The following KDM1B variants were observed in gnomAD, a reference collection of about 807,000 sequenced individuals.
The protein encoded by KDM1B is lysine-specific histone demethylase 2.
In KDM1B, 63 loss-of-function variants were observed where a neutral mutation model predicts 107.4. That is an observed-to-expected ratio of 0.59 (90% CI 0.48 to 0.72). KDM1B has a LOEUF of 0.72. KDM1B is among the 30% of genes least tolerant of loss of function. The pLI, the probability that KDM1B is intolerant of heterozygous loss-of-function variation, is 0.00. For synonymous variants in KDM1B, 363 were observed against 363.9 expected (o/e 1.00, Z 0.03); for missense variants, 749 against 1,020.8 (o/e 0.73, Z 3.63).
intron 21 of KDM1B, among the ~76,000 whole-genome samples, chr6:18,218,865 C>G (rs945647781): frequency 4.6e-5 from 7 of 151,912 alleles, no homozygotes; most frequent in Non-Finnish European, 7.4e-5. Flanking sequence ...CTGGGTCTCT[C>G]TAATTTAAAT....
chr6:18,158,703 C>T (rs1784786692), intron 2 of KDM1B, among the ~76,000 whole-genome samples: 1 of 152,166 alleles, frequency 6.6e-6, no homozygotes, highest in African/African-American at 2.4e-5. Flanking sequence ...TTACTGAGTA[C>T]TTATGCTAAG....
At chr6:18,193,086 T>C (rs1787386796) in intron 10 of KDM1B, among the ~76,000 whole-genome samples, 1 of 150,702 alleles carries the variant, frequency 6.6e-6, no homozygotes, top group Non-Finnish European at 1.5e-5. Context: ...TCCCAGCCAC[T>C]TGGGAGGCTG....
chr6:18,217,871 T>A lies in KDM1B; in HGVS notation c.2371T>A (p.Phe791Ile), dbSNP rs749917504. 1.2e-6 allele frequency: 2 copies of A among 1,611,736 alleles called. No individual in the cohort carries two copies. The highest frequency in any genetic ancestry group is 1.7e-6 in the Non-Finnish European group (2 of 1,179,422). ...TGCTGAAGACATTCAAGGAACCGTC[T>A]TTTTCGCTGGTGAGGTATGGATCTT... ...IIAEDIQGTV[F>I]FAGEATNRHF... The change falls in exon 21 of 22, where the codon TTT (phenylalanine) becomes ATT (isoleucine). Residue 791 changes from phenylalanine (F) to isoleucine (I), a missense_variant. Coordinates refer to ENST00000650836, the MANE Select transcript of KDM1B (RefSeq NM_001364614.2).
chr6:18,197,615 C>A lies in KDM1B; in HGVS notation c.1175C>A (p.Pro392Gln), dbSNP rs1324050708. The A allele has an allele frequency of 6.2e-7, 1 of 1,613,880 alleles. No individual in the cohort carries two copies. Among genetic ancestry groups the A allele is most frequent in the Non-Finnish European group, 8.5e-7 (1 of 1,179,942 alleles). ...NKSVIIIGAG[P>Q]AGLAAARQLH... ...TCAGTCATCATTATCGGGGCTGGTC[C>A]AGCAGGATTAGCAGCTGCTAGGCAA... is the stretch of plus-strand genomic sequence containing the variant. Residue 392 changes from proline (P) to glutamine (Q), a missense_variant, in exon 12 of 22, where the codon CCA becomes CAA. Transcript: ENST00000650836. This position sits in a 1 kb window ranked among gnomAD's most constrained non-coding sequence, Gnocchi z 4.5.
Position 18,222,617 on chromosome 6 carries a change from G to A in KDM1B, c.*625G>A, listed in dbSNP as rs564581919. 6.1e-6 allele frequency: 1 copy of A among 163,940 alleles called. No individual in the cohort carries two copies. Among genetic ancestry groups the A allele is most frequent in the Non-Finnish European group, 1.3e-5 (1 of 75,564 alleles). 10.2% of individuals were successfully genotyped at this position (163,940 alleles called of 1,614,324 possible). On this transcript the variant is annotated 3_prime_UTR_variant, in exon 22 of 22. Transcript: ENST00000650836. ...AAATTTAAATTCAAGTACCTTTTGTGATAAAATGTTTTAGATTTGTGCACC... is the reference window on the plus strand; with the variant it reads ...AAATTTAAATTCAAGTACCTTTTGTAATAAAATGTTTTAGATTTGTGCACC...
At chr6:18,195,459 C>CACGGTG (rs1160549018) in intron 10 of KDM1B, among the ~76,000 whole-genome samples, 4 of 152,120 alleles carry the variant, frequency 2.6e-5, no homozygotes, top group African/African-American at 9.7e-5. Flanking sequence ...TGTGGCCGGG[C>CACGGTG]ACGGTGGCTC....
chr6:18,178,102 G>A (rs1214669105), intron 7 of KDM1B, among the ~76,000 whole-genome samples: 5 of 151,234 alleles, frequency 3.3e-5, no homozygotes, highest in Non-Finnish European at 7.4e-5. Context: ...TTTTTGTTTT[G>A]GACGGAGTCT....
In KDM1B at chr6:18,223,255, T is replaced by G. The variant is rs1252924214; in HGVS notation, c.*1263T>G. 6.6e-6 allele frequency: 1 copy of G among 152,448 alleles called. No homozygotes were observed. Among genetic ancestry groups the G allele is most frequent in the African/African-American group, 2.4e-5 (1 of 41,394 alleles). 9.4% of individuals were successfully genotyped at this position (152,448 alleles called of 1,614,324 possible). ...ATTGAGTATTTTAAAAATTTAAAAG[T>G]AGGTCAGTTTATAACGAGTAAATAC... On this transcript the variant is annotated 3_prime_UTR_variant, in exon 22 of 22. Coordinates refer to ENST00000650836, the MANE Select transcript of KDM1B (RefSeq NM_001364614.2).
chr6:18,193,400 A>T (rs1221413561), intron 10 of KDM1B, among the ~76,000 whole-genome samples: 1 of 138,276 alleles, frequency 7.2e-6, no homozygotes, highest in African/African-American at 2.7e-5. Context: ...TCGCCTTCCC[A>T]GTCTCAGGTG....
chr6:18,207,293 C>T, intron 15 of KDM1B, 105 bp from the exon 16 acceptor site: 1 of 1,247,314 alleles, frequency 8.0e-7, no homozygotes, highest in Non-Finnish European at 1.2e-6. Context: ...TGTCCCCTGC[C>T]CTCCTGCCTT....
chr6:18,207,109 C>T (rs2150998394), intron 15 of KDM1B, among the ~76,000 whole-genome samples: 1 of 152,322 alleles, frequency 6.6e-6, no homozygotes, highest in African/African-American at 2.4e-5. Context: ...GTTTTACCCT[C>T]ATAGAATTCT....
intron 7 of KDM1B, among the ~76,000 whole-genome samples, chr6:18,180,508 AGATTTTGGAT>A (rs1786387212): frequency 6.6e-6 from 1 of 152,168 alleles, no homozygotes; most frequent in Non-Finnish European, 1.5e-5. Flanking sequence ...CAATTTTTTA[AGATTTTGGAT>A]GATTTGTGTA....
At chr6:18,220,217 C>T (rs1789575193) in intron 21 of KDM1B, among the ~76,000 whole-genome samples, 1 of 152,196 alleles carries the variant, frequency 6.6e-6, no homozygotes, top group Non-Finnish European at 1.5e-5. Context: ...AAGTACACGT[C>T]TCATTGTTTC....
At position 18,161,329 on chromosome 6, in the gene KDM1B, G is replaced by A. The variant is rs1397865170; in HGVS notation, c.90G>A (p.Ala30=). 7 of 1,613,570 alleles carry A rather than the reference G, an allele frequency of 4.3e-6. No homozygotes were observed. In the East Asian group the frequency reaches 1.3e-4, roughly 31 times the overall value. The stretch of plus-strand genomic sequence containing the variant: ...AACATCAGCTGTGACTCCCTTAGGC[G>A]AAGAAGAAAGCAACAGAGACAACAG... The part of the protein sequence containing the change: ...SLPLRSSGRQ[A]KKKATETTDE... The change falls in exon 4 of 22, where the codon GCG becomes GCA. Residue 30 remains alanine (A), a splice_region_variant and synonymous_variant. Transcript: ENST00000650836.
chr6:18,181,855 A>G (rs1786502867), intron 7 of KDM1B, among the ~76,000 whole-genome samples: 1 of 150,612 alleles, frequency 6.6e-6, no homozygotes, highest in Admixed American at 6.6e-5. Context: ...ATGAAATCAG[A>G]AAAAATAAAT....
chr6:18,201,356 T>G lies in KDM1B; in HGVS notation c.1360-130T>G. Reference sequence around the variant, plus strand: ...CTTTGCTGCCATTCCCCGTGAAGCATATTTAGCTTTATTTTTGAGAGATAT... The same window carrying G: ...CTTTGCTGCCATTCCCCGTGAAGCAGATTTAGCTTTATTTTTGAGAGATAT... On this transcript the variant is annotated intron_variant, in intron 13 of 21. Transcript: ENST00000650836. The surrounding 1 kb of genome is among the most constrained non-coding windows in gnomAD (Gnocchi z 4.3). 2 of 642,586 alleles carry G rather than the reference T, an allele frequency of 3.1e-6. No individual in the cohort carries two copies. Among genetic ancestry groups the G allele is most frequent in the Non-Finnish European group, 2.7e-6 (1 of 375,820 alleles). 39.8% of individuals were successfully genotyped at this position (642,586 alleles called of 1,614,324 possible). A position where few individuals can be genotyped will look rare whatever the true frequency, so the allele number is the denominator to read the frequency against.
intron 15 of KDM1B, 34 bp from the exon 16 acceptor site, chr6:18,207,364 C>T (rs1237422817): frequency 1.2e-6 from 2 of 1,611,282 alleles, no homozygotes; most frequent in South Asian, 1.1e-5. Flanking sequence ...CAAGGATTTA[C>T]ACTGCTGTGT....
Position 18,167,217 on chromosome 6 carries a change from C to T in KDM1B, c.417+839C>T, listed in dbSNP as rs183676673. Among the ~76,000 whole-genome samples the T allele has an allele frequency of 3.4e-3, 521 of 151,576 alleles. 4 individuals are homozygous for T. The highest frequency in any genetic ancestry group is 0.012 in the African/African-American group (482 of 41,386). ...TAAAAAAATACAAAAATTAGCCGGG[C>T]GTGGTGGCGCGCGCCTGTTGTCCCA... is the stretch of plus-strand genomic sequence containing the variant. On this transcript the variant is annotated intron_variant, in intron 6 of 21. Coordinates refer to ENST00000650836, the MANE Select transcript of KDM1B (RefSeq NM_001364614.2).
intron 5 of KDM1B, among the ~76,000 whole-genome samples, chr6:18,163,487 A>G (rs1303553463): frequency 1.3e-5 from 2 of 151,908 alleles, no homozygotes; most frequent in Non-Finnish European, 2.9e-5. Context: ...TTAATTTTTT[A>G]TTTCTCTAGT....
Sources: gnomAD v4.1 joint callset for allele counts (sites outside exome capture counted in the v4.1 genomes callset) on GRCh38, gnomAD v4.1.1 for gene constraint, Gnocchi (gnomAD v3.1) non-coding constraint, MANE v1.5 for transcripts, NCBI Gene and HGNC (gene_info 2026-07-23, HGNC 2026-07-21) for gene names.